Variants in CROT observed in about 807,000 individuals in gnomAD.
CROT encodes the protein carnitine O-octanoyltransferase.
Under a neutral mutation model 89.2 loss-of-function variants are expected in CROT, and 84 were observed. That is an observed-to-expected ratio of 0.94 (90% CI 0.79 to 1.13). The LOEUF (loss-of-function observed/expected upper bound fraction) is 1.13, where lower values mean the gene tolerates loss of function less well. CROT is among the 50% of genes most tolerant of loss of function. CROT has a pLI of 0.00. For synonymous variants in CROT, 212 were observed against 239.5 expected (o/e 0.89, Z 1.06); for missense variants, 711 against 727.8 (o/e 0.98, Z 0.27).
chr7:87,374,675 T>C (rs1348117131), intron 7 of CROT, among the ~76,000 whole-genome samples: 2 of 152,036 alleles, frequency 1.3e-5, no homozygotes, highest in Non-Finnish European at 2.9e-5. Context: ...ACACCATTAA[T>C]TTGCAAATAA....
chr7:87,364,148 T>C (rs965865983), intron 6 of CROT, among the ~76,000 whole-genome samples: 1 of 152,144 alleles, frequency 6.6e-6, no homozygotes. Context: ...GATTCAAGAT[T>C]TGTAGTTTTG....
chr7:87,347,257 G>T (rs1250384260), intron 2 of CROT, among the ~76,000 whole-genome samples: 1 of 152,212 alleles, frequency 6.6e-6, no homozygotes, highest in African/African-American at 2.4e-5. Context: ...CGCAGGTTCT[G>T]GGGATTAGCA....
At chr7:87,368,314 T>A (rs1000198256) in intron 6 of CROT, among the ~76,000 whole-genome samples, 6 of 152,182 alleles carry the variant, frequency 3.9e-5, no homozygotes, top group African/African-American at 7.2e-5. Context: ...TAATTTGGCA[T>A]CAGGTTTATT....
chr7:87,380,079 C>G (rs1414310774), intron 10 of CROT, among the ~76,000 whole-genome samples: 5 of 152,006 alleles, frequency 3.3e-5, no homozygotes, highest in African/African-American at 1.2e-4. Context: ...CCACTGCACT[C>G]CCACCCAGGC....
intron 13 of CROT, among the ~76,000 whole-genome samples, chr7:87,385,359 T>A (rs1449428760): frequency 6.6e-6 from 1 of 152,162 alleles, no homozygotes; most frequent in East Asian, 1.9e-4. Flanking sequence ...TGGTGTTCTC[T>A]CACTTTCATC....
At chr7:87,369,548 T>A in intron 7 of CROT, 64 bp downstream of exon 7, 1 of 969,836 alleles carries the variant, frequency 1.0e-6, no homozygotes, top group Non-Finnish European at 1.5e-6. Context: ...AAAATATACA[T>A]GTTTAGAATT....
intron 10 of CROT, among the ~76,000 whole-genome samples, chr7:87,380,648 A>G (rs1257010382): frequency 6.6e-6 from 1 of 152,224 alleles, no homozygotes. Flanking sequence ...TCAGGATAGC[A>G]TTGGAATTTT....
At chr7:87,370,067 T>G (rs1189051989) in intron 7 of CROT, among the ~76,000 whole-genome samples, 1 of 152,122 alleles carries the variant, frequency 6.6e-6, no homozygotes, top group Non-Finnish European at 1.5e-5. Context: ...CCATGGATTA[T>G]TTTGAAGATA....
intron 13 of CROT, among the ~76,000 whole-genome samples, chr7:87,383,910 T>C (rs1157174824): frequency 1.3e-5 from 2 of 152,190 alleles, no homozygotes; most frequent in Non-Finnish European, 2.9e-5. Context: ...GATATATTGA[T>C]TTCCTTTCTC....
chr7:87,354,365 G>T (rs570220386), intron 3 of CROT: 6 of 518,058 alleles, frequency 1.2e-5, no homozygotes, highest in Non-Finnish European at 1.9e-5. Context: ...AGATAACCTG[G>T]ACATCAAACC....
At chr7:87,358,958 C>T (rs1374900220) in intron 3 of CROT, among the ~76,000 whole-genome samples, 1 of 152,136 alleles carries the variant, frequency 6.6e-6, no homozygotes, top group African/African-American at 2.4e-5. Context: ...AAATGCAGTC[C>T]TTTGCCCATC....
intron 9 of CROT, 109 bp from the exon 10 acceptor site, chr7:87,377,240 A>G (rs1032168683): frequency 3.3e-6 from 2 of 611,234 alleles, no homozygotes; most frequent in South Asian, 4.7e-5. Flanking sequence ...ATTTTATTAA[A>G]TTTGGTTGAC....
At chr7:87,388,080 T>C (rs570472538) in intron 13 of CROT, among the ~76,000 whole-genome samples, 16 of 152,222 alleles carry the variant, frequency 1.1e-4, no homozygotes, top group African/African-American at 3.6e-4. Flanking sequence ...CAGATGGGAC[T>C]TCCTCCAAGA....
intron 13 of CROT, among the ~76,000 whole-genome samples, chr7:87,390,685 C>T (rs1807330964): frequency 6.6e-6 from 1 of 152,148 alleles, no homozygotes; most frequent in Non-Finnish European, 1.5e-5. Context: ...ATTCTCCAAC[C>T]CAGGAAAACA....
intron 7 of CROT, among the ~76,000 whole-genome samples, chr7:87,370,731 C>A (rs1806605505): frequency 6.6e-6 from 1 of 152,146 alleles, no homozygotes; most frequent in African/African-American, 2.4e-5. Context: ...TTCCCAGGGG[C>A]AGTCATTTAG....
intron 3 of CROT, among the ~76,000 whole-genome samples, chr7:87,354,785 A>G (rs1209127293): frequency 1.3e-5 from 2 of 152,246 alleles, no homozygotes; most frequent in African/African-American, 4.8e-5. Flanking sequence ...TAATTTTATT[A>G]AGAGCAGATT....
chr7:87,395,837 A>G (rs1249607596), intron 17 of CROT, among the ~76,000 whole-genome samples: 1 of 152,136 alleles, frequency 6.6e-6, no homozygotes, highest in Non-Finnish European at 1.5e-5. Context: ...CGGGGGTTAT[A>G]AGGACCTTTA....
At chr7:87,352,096 A>G (rs1181038703) in intron 3 of CROT, among the ~76,000 whole-genome samples, 1 of 152,222 alleles carries the variant, frequency 6.6e-6, no homozygotes, top group Non-Finnish European at 1.5e-5. Flanking sequence ...AAGATATGGC[A>G]AGTCATGTCC....
At position 87,361,774 on chromosome 7, in the gene CROT, A is replaced by C; in HGVS notation, c.469A>C (p.Asn157His). 6.2e-7 allele frequency: 1 copy of C among 1,608,350 alleles called. No individual in the cohort carries two copies. Among genetic ancestry groups the C allele is most frequent in the Non-Finnish European group, 8.5e-7 (1 of 1,177,498 alleles). Residue 157 changes from asparagine (N) to histidine (H), a missense_variant, in exon 6 of 18, where the codon AAT (asparagine) becomes CAT (histidine). Physicochemically the swap from Asn to His is moderately conservative, Grantham distance 68. Coordinates refer to ENST00000331536, the MANE Select transcript of CROT (RefSeq NM_021151.4). ...AGTTGGAAATACTCCTCTAGATATG[A>C]ATCAATTCCGAATGCTATTTTCTAC... ...HKVGNTPLDM[N>H]QFRMLFSTCK...
Sources: allele counts gnomAD v4.1 joint callset (sites outside exome capture counted in the v4.1 genomes callset), GRCh38; gene constraint gnomAD v4.1.1; transcripts MANE v1.5; gene names NCBI Gene and HGNC (gene_info 2026-07-23, HGNC 2026-07-21).